TASP1: variants seen among roughly 807,000 people sequenced by gnomAD.
The protein encoded by TASP1 is taspase 1.
In TASP1, 16 loss-of-function variants were observed where a neutral mutation model predicts 56.6. That is an observed-to-expected ratio of 0.28 (90% CI 0.19 to 0.43). The LOEUF is 0.43. Ranked by LOEUF, TASP1 falls within the 20% of genes least tolerant of loss-of-function variation. The pLI, the probability that TASP1 is intolerant of heterozygous loss-of-function variation, is 1.00. For synonymous variants in TASP1, 179 were observed against 184.2 expected (o/e 0.97, Z 0.23); for missense variants, 393 against 511.6 (o/e 0.77, Z 2.24).
At chr20:13,498,713 A>G (rs963296790) in intron 10 of TASP1, among the ~76,000 whole-genome samples, 3 of 151,804 alleles carry the variant, frequency 2.0e-5, no homozygotes, top group African/African-American at 7.3e-5. Context: ...AATGTTCAAC[A>G]TCGCTACTGA....
At chr20:13,181,782 G>A in the TASP1 span, among the ~76,000 whole-genome samples, 3 of 152,158 alleles carry the variant, frequency 2.0e-5, no homozygotes, top group African/African-American at 4.8e-5. Flanking sequence ...TCTCTGAGAC[G>A]CAGTTCCTTC....
chr20:13,128,097 G>A, the TASP1 span, among the ~76,000 whole-genome samples: 1 of 152,240 alleles, frequency 6.6e-6, no homozygotes, highest in Non-Finnish European at 1.5e-5. Context: ...AGGTTTTTGT[G>A]AGAAGTAGGC....
rs766586171 is a variant in TASP1, at chr20:13,559,024, CTTCTT to C, written c.654_658del (p.Arg219ThrfsTer4). ...CCACCTGACCTTCTCACTTGATTGT[CTTCTT>C]TTCTTTAGTTGCATAAAATCTGTGT... is the stretch of plus-strand genomic sequence containing the variant. On this transcript the variant is annotated frameshift_variant, in exon 8 of 14. Coordinates refer to ENST00000337743, the MANE Select transcript of TASP1 (RefSeq NM_017714.3). LOFTEE classifies it high-confidence loss of function. 1.3e-6 allele frequency: 2 copies of C among 1,590,482 alleles called. No homozygotes were observed. The highest frequency in any genetic ancestry group is 1.7e-6 in the Non-Finnish European group (2 of 1,168,536).
At chr20:13,401,351 T>A (rs748776820) in intron 13 of TASP1, among the ~76,000 whole-genome samples, 2 of 152,182 alleles carry the variant, frequency 1.3e-5, no homozygotes, top group African/African-American at 4.8e-5. Context: ...AAATGTTATA[T>A]CTACGCACCA....
intron 11 of TASP1, among the ~76,000 whole-genome samples, chr20:13,474,299 C>T (rs1186496783): frequency 6.6e-6 from 1 of 152,172 alleles, no homozygotes; most frequent in Non-Finnish European, 1.5e-5. Flanking sequence ...CAATCTTCTC[C>T]TATGAGTCCT....
At chr20:13,168,869 T>C in the TASP1 span, 1 of 152,022 alleles carries the variant, frequency 6.6e-6, no homozygotes, top group East Asian at 1.9e-4. Flanking sequence ...GTTTAGAAAA[T>C]TAAAGAGTCT....
At chr20:13,154,489 T>C in the TASP1 span, among the ~76,000 whole-genome samples, 1 of 152,272 alleles carries the variant, frequency 6.6e-6, no homozygotes, top group African/African-American at 2.4e-5. Flanking sequence ...TCTCTCCCCA[T>C]ATTACCATAA....
chr20:13,296,269 G>C, the TASP1 span, among the ~76,000 whole-genome samples: 2 of 152,070 alleles, frequency 1.3e-5, no homozygotes, highest in African/African-American at 2.4e-5. Flanking sequence ...CTCTGGACCC[G>C]AGCCCAGCTG....
At chr20:13,372,152 A>G in the TASP1 span, among the ~76,000 whole-genome samples, 1 of 152,238 alleles carries the variant, frequency 6.6e-6, no homozygotes, top group Non-Finnish European at 1.5e-5. Flanking sequence ...TGTGATGATT[A>G]ATTTTATGTG....
intron 4 of TASP1, chr20:13,616,832 G>T (rs778970242): frequency 3.3e-5 from 10 of 301,100 alleles, no homozygotes; most frequent in Non-Finnish European, 3.3e-5. Flanking sequence ...ACTCAAAAAA[G>T]TGTTTTAAAA....
chr20:13,331,051 G>A, the TASP1 span, among the ~76,000 whole-genome samples: 2 of 152,060 alleles, frequency 1.3e-5, no homozygotes, highest in Admixed American at 6.6e-5. Context: ...TCTGCTTTCA[G>A]TTTGTTTTGC....
the TASP1 span, among the ~76,000 whole-genome samples, chr20:13,238,546 C>T: frequency 6.6e-6 from 1 of 152,176 alleles, no homozygotes; most frequent in African/African-American, 2.4e-5. Context: ...GTGTGAAAAT[C>T]TCACAGACTT....
the TASP1 span, among the ~76,000 whole-genome samples, chr20:13,290,601 T>C: frequency 6.6e-6 from 1 of 151,850 alleles, no homozygotes; most frequent in Non-Finnish European, 1.5e-5. Flanking sequence ...GTGAGCCAAG[T>C]GAGCCGAGAT....
At chr20:13,183,617 A>G in the TASP1 span, among the ~76,000 whole-genome samples, 5 of 152,248 alleles carry the variant, frequency 3.3e-5, no homozygotes, top group African/African-American at 1.2e-4. Flanking sequence ...GGAAATGAGA[A>G]TTTTACAAAT....
chr20:13,250,169 A>G, the TASP1 span, among the ~76,000 whole-genome samples: 1 of 152,160 alleles, frequency 6.6e-6, no homozygotes, highest in Non-Finnish European at 1.5e-5. Context: ...GACCACGTTG[A>G]TAGGGTAGCC....
At chr20:13,231,255 C>A in the TASP1 span, among the ~76,000 whole-genome samples, 1 of 152,172 alleles carries the variant, frequency 6.6e-6, no homozygotes, top group Non-Finnish European at 1.5e-5. Context: ...TCATTAACAG[C>A]GAGGAAGTCT....
At chr20:13,221,355 C>T in the TASP1 span, among the ~76,000 whole-genome samples, 1 of 148,046 alleles carries the variant, frequency 6.8e-6, no homozygotes, top group Non-Finnish European at 1.5e-5. Flanking sequence ...CGCCCATGTG[C>T]GCTCGGGGGC....
the TASP1 span, among the ~76,000 whole-genome samples, chr20:13,129,224 A>G: frequency 2.6e-5 from 4 of 152,116 alleles, no homozygotes; most frequent in Non-Finnish European, 4.4e-5. Context: ...CTGGTCGGGA[A>G]CACCTGGCCT....
chr20:13,485,249 T>C (rs369188896), intron 10 of TASP1, among the ~76,000 whole-genome samples: 64 of 152,290 alleles, frequency 4.2e-4, no homozygotes, highest in African/African-American at 1.5e-3. Context: ...ATTACATTAG[T>C]CATAGCAGAT....
Sources: allele counts gnomAD v4.1 joint callset (sites outside exome capture counted in the v4.1 genomes callset), GRCh38; gene constraint gnomAD v4.1.1; transcripts MANE v1.5; gene names NCBI Gene and HGNC (gene_info 2026-07-23, HGNC 2026-07-21).